Variants in MAGI3 observed in about 807,000 individuals in gnomAD.
The protein encoded by MAGI3 is membrane-associated guanylate kinase, WW and PDZ domain-containing protein 3.
In MAGI3, 43 loss-of-function variants were observed where a neutral mutation model predicts 121.8. The observed-to-expected ratio is 0.35, with a 90% confidence interval of 0.28 to 0.46. MAGI3 has a LOEUF of 0.46. Ranked by LOEUF, MAGI3 falls within the 20% of genes least tolerant of loss-of-function variation. The probability of loss-of-function intolerance (pLI) is 1.00; values close to 1 mark genes in which losing one functional copy is unlikely to be tolerated. For synonymous variants in MAGI3, 553 were observed against 639.3 expected (o/e 0.86, Z 2.04); for missense variants, 1,547 against 1,797.3 (o/e 0.86, Z 2.52).
At chr1:113,444,086 G>A (rs1654049651) in intron 1 of MAGI3, among the ~76,000 whole-genome samples, 1 of 152,328 alleles carries the variant, frequency 6.6e-6, no homozygotes, top group Admixed American at 6.5e-5. Context: ...GGATCTAATT[G>A]TGGTTATTTT....
rs571538877 is a variant in MAGI3 at position 113,476,748 on chromosome 1, C to T, written c.317-72767C>T. Among the ~76,000 whole-genome samples the T allele has an allele frequency of 4.6e-5, 7 of 152,302 alleles. No homozygotes were observed. The South Asian group carries it at 1.5e-3, about 32-fold the overall frequency. On this transcript the variant is annotated intron_variant, in intron 1 of 20. Coordinates refer to ENST00000307546, the MANE Select transcript of MAGI3 (RefSeq NM_001142782.2). Reference sequence around the variant, plus strand: ...AGATGTCTATTAGGTCTGTTTGTTGCAGAGCTGAGTTCAGGTCCTCGATAT... The same window carrying T: ...AGATGTCTATTAGGTCTGTTTGTTGTAGAGCTGAGTTCAGGTCCTCGATAT...
intron 1 of MAGI3, among the ~76,000 whole-genome samples, chr1:113,494,743 A>G (rs1302083108): frequency 1.3e-5 from 2 of 152,200 alleles, no homozygotes; most frequent in African/African-American, 2.4e-5. Flanking sequence ...ACTCTGTTGT[A>G]GTTAGGGCTC....
At chr1:113,538,251 C>T (rs1230370040) in intron 1 of MAGI3, among the ~76,000 whole-genome samples, 1 of 152,168 alleles carries the variant, frequency 6.6e-6, no homozygotes, top group Non-Finnish European at 1.5e-5. Flanking sequence ...AATGAAATAT[C>T]AGTAACAGAT....
At chr1:113,626,798 C>G (rs1037620378) in intron 9 of MAGI3, among the ~76,000 whole-genome samples, 3 of 152,124 alleles carry the variant, frequency 2.0e-5, no homozygotes, top group Admixed American at 2.0e-4. Flanking sequence ...GTTGTAATGT[C>G]TCCTGTTTCA....
chr1:113,602,697 C>T (rs1649482038), intron 6 of MAGI3, among the ~76,000 whole-genome samples: 1 of 152,102 alleles, frequency 6.6e-6, no homozygotes, highest in Admixed American at 6.6e-5. Context: ...TTTAGGCGGC[C>T]AAGGCAGGCA....
chr1:113,633,300 C>T (rs1285047197), intron 9 of MAGI3, among the ~76,000 whole-genome samples: 6 of 104,992 alleles, frequency 5.7e-5, no homozygotes, highest in African/African-American at 1.5e-4. Context: ...CTCGCTCTGT[C>T]GCCCAGGCTG....
At chr1:113,675,865 A>G (rs1426911065) in intron 19 of MAGI3, among the ~76,000 whole-genome samples, 1 of 152,216 alleles carries the variant, frequency 6.6e-6, no homozygotes, top group Non-Finnish European at 1.5e-5. Context: ...CAGACAGGAC[A>G]TTCTCCTGAG....
chr1:113,601,694 C>G (rs1489294257), intron 6 of MAGI3, among the ~76,000 whole-genome samples: 10 of 143,212 alleles, frequency 7.0e-5, no homozygotes, highest in South Asian at 4.8e-4. Context: ...ACTAGAAATA[C>G]CATTTGACCC....
intron 1 of MAGI3, among the ~76,000 whole-genome samples, chr1:113,468,943 T>G (rs1233773337): frequency 6.6e-6 from 1 of 152,144 alleles, no homozygotes; most frequent in African/African-American, 2.4e-5. Context: ...TAGTAGATAC[T>G]TAATAGTTGT....
intron 1 of MAGI3, among the ~76,000 whole-genome samples, chr1:113,398,124 A>T (rs1247082893): frequency 6.6e-6 from 1 of 152,116 alleles, no homozygotes; most frequent in Non-Finnish European, 1.5e-5. Context: ...CACCCATTTC[A>T]GTCATCCCAA....
intron 3 of MAGI3, among the ~76,000 whole-genome samples, chr1:113,582,764 G>A (rs1648116976): frequency 1.3e-5 from 2 of 151,726 alleles, no homozygotes; most frequent in Admixed American, 1.3e-4. Context: ...TGTAGATGTG[G>A]CCATATATGT....
intron 1 of MAGI3, among the ~76,000 whole-genome samples, chr1:113,511,485 C>T (rs187942456): frequency 1.3e-5 from 2 of 152,282 alleles, no homozygotes; most frequent in East Asian, 1.9e-4. Context: ...AAGAAGGGTG[C>T]CACTCATACC....
At chr1:113,673,568 TA>T in intron 19 of MAGI3, 103 bp downstream of exon 19, 1 of 1,278,664 alleles carries the variant, frequency 7.8e-7, no homozygotes. Context: ...CTCCTAAATC[TA>T]AAAAGCAGGA....
chr1:113,432,549 T>A (rs542592018), intron 1 of MAGI3, among the ~76,000 whole-genome samples: 92 of 152,178 alleles, frequency 6.0e-4, no homozygotes, highest in South Asian at 1.2e-3. Context: ...ATTTTTTTTT[T>A]AAATAATTGG....
intron 16 of MAGI3, among the ~76,000 whole-genome samples, chr1:113,662,157 TA>T (rs1386568447): frequency 2.0e-5 from 3 of 152,184 alleles, no homozygotes; most frequent in African/African-American, 7.2e-5. Context: ...CATTGACAGG[TA>T]AAAGACAGTT....
intron 2 of MAGI3, among the ~76,000 whole-genome samples, chr1:113,576,379 C>T (rs1321260329): frequency 6.6e-6 from 1 of 152,210 alleles, no homozygotes; most frequent in Admixed American, 6.5e-5. Flanking sequence ...CCAGGTAGCA[C>T]AGTCCCTCAT....
chr1:113,453,074 T>C (rs1364794288), intron 1 of MAGI3, among the ~76,000 whole-genome samples: 1 of 152,182 alleles, frequency 6.6e-6, no homozygotes, highest in African/African-American at 2.4e-5. Flanking sequence ...AAGTTCTTCA[T>C]GGGAAAGCAG....
At chr1:113,474,866 T>A (rs1655732033) in intron 1 of MAGI3, among the ~76,000 whole-genome samples, 1 of 152,226 alleles carries the variant, frequency 6.6e-6, no homozygotes, top group Non-Finnish European at 1.5e-5. Context: ...TCTTCCTATC[T>A]ATGAGCATGG....
chr1:113,642,326 T>G lies in MAGI3; in HGVS notation c.1776T>G (p.Ile592Met). ...IKGPKGFGFA[I>M]ADSPTGQKVK... Reference sequence around the variant, plus strand: ...GCCCTAAAGGGTTTGGGTTTGCAATTGCTGACAGCCCTACTGGACAGAAGG... The same window carrying G: ...GCCCTAAAGGGTTTGGGTTTGCAATGGCTGACAGCCCTACTGGACAGAAGG... Residue 592 changes from isoleucine to methionine, a missense_variant, in exon 10 of 21, where the codon ATT (isoleucine) becomes ATG (methionine). By Grantham distance (10) the Ile-to-Met change is conservative. Transcript: ENST00000307546. 1 of 1,614,158 alleles carries G rather than the reference T, an allele frequency of 6.2e-7. No individual in the cohort carries two copies. The highest frequency in any genetic ancestry group is 8.5e-7 in the Non-Finnish European group (1 of 1,180,030).
Sources: gnomAD v4.1 joint callset for allele counts (sites outside exome capture counted in the v4.1 genomes callset) on GRCh38, gnomAD v4.1.1 for gene constraint, MANE v1.5 for transcripts, NCBI Gene and HGNC (gene_info 2026-07-23, HGNC 2026-07-21) for gene names.